VANGL1: variants seen among roughly 807,000 people sequenced by gnomAD.
The protein encoded by VANGL1 is VANGL planar cell polarity protein 1.
Under a neutral mutation model 48.4 loss-of-function variants are expected in VANGL1, and 18 were observed. The observed-to-expected ratio is 0.37, with a 90% confidence interval of 0.26 to 0.55. VANGL1 has a LOEUF of 0.55. Among genes scored for constraint, VANGL1 ranks in the 20% least tolerant of loss-of-function variants. The pLI, the probability that VANGL1 is intolerant of heterozygous loss-of-function variation, is 0.81. For synonymous variants in VANGL1, 257 were observed against 261.8 expected, an observed-to-expected ratio of 0.98 and a Z score of 0.18; for missense variants, 667 against 675.8, an observed-to-expected ratio of 0.99 and a Z score of 0.14.
chr1:115,689,943 G>A (rs76990225), intron 7 of VANGL1, among the ~76,000 whole-genome samples: 9,988 of 138,670 alleles, frequency 0.072, 2,162 homozygotes, highest in Admixed American at 0.13. Context: ...GCAACAGAGT[G>A]AGACTCTATC....
chr1:115,673,575 G>A (rs1308822880), intron 4 of VANGL1, among the ~76,000 whole-genome samples: 3 of 147,820 alleles, frequency 2.0e-5, no homozygotes, highest in Non-Finnish European at 4.5e-5. Context: ...CCTCCTCTCT[G>A]TGGGTCTCTG....
chr1:115,685,644 A>C, intron 7 of VANGL1, 117 bp downstream of exon 7: 1 of 1,052,132 alleles, frequency 9.5e-7, no homozygotes. Context: ...CTAAAACTCA[A>C]GTAATAAGAA....
chr1:115,684,002 C>T lies in VANGL1; in HGVS notation c.1005C>T (p.Arg335=). The T allele has an allele frequency of 6.2e-7, 1 of 1,614,136 alleles. No individual in the cohort carries two copies. ...SRAMIAAAAR[R]RDSSHNELYY... ...CCATGATTGCTGCAGCTGCTCGGCG[C>T]AGGGACTCAAGCCACAACGAGTTGT... Residue 335 remains arginine (R), a synonymous_variant, in exon 6 of 8, where the codon CGC becomes CGT. Transcript: ENST00000355485.
intron 3 of VANGL1, among the ~76,000 whole-genome samples, chr1:115,660,843 C>T (rs927218112): frequency 4.6e-5 from 7 of 152,104 alleles, no homozygotes; most frequent in South Asian, 2.1e-4. Flanking sequence ...GTGGGTTGAA[C>T]GTGGGATTCA....
intron 4 of VANGL1, among the ~76,000 whole-genome samples, chr1:115,681,778 A>G (rs1459974493): frequency 2.0e-5 from 3 of 152,098 alleles, no homozygotes; most frequent in Non-Finnish European, 4.4e-5. Flanking sequence ...AAGTGCTGGG[A>G]TTACAGGCGT....
chr1:115,689,092 A>T (rs1421987344), intron 7 of VANGL1, among the ~76,000 whole-genome samples: 1 of 137,502 alleles, frequency 7.3e-6, no homozygotes, highest in Non-Finnish European at 1.6e-5. Flanking sequence ...CGCCCAGCCT[A>T]TATTTCTTTA....
At chr1:115,688,452 A>G (rs1239810564) in intron 7 of VANGL1, among the ~76,000 whole-genome samples, 3 of 139,244 alleles carry the variant, frequency 2.2e-5, no homozygotes, top group Non-Finnish European at 4.7e-5. Flanking sequence ...AGAGCTGAGT[A>G]GTTGTGACAG....
intron 4 of VANGL1, among the ~76,000 whole-genome samples, chr1:115,681,503 G>GTTTTTTTTTTTTTTTTTTTTTTTTTTTTT (rs368388367): frequency 1.7e-5 from 2 of 114,880 alleles, no homozygotes. Flanking sequence ...TTTTTTTGTT[G>GTTTTTTTTTTTTTTTTTTTTTTTTTTTTT]TTTTTTTTGT....
intron 4 of VANGL1, among the ~76,000 whole-genome samples, chr1:115,673,587 A>G (rs1474134994): frequency 7.7e-6 from 1 of 130,156 alleles, no homozygotes; most frequent in Non-Finnish European, 1.6e-5. Flanking sequence ...GGGTCTCTGT[A>G]TGTCCTCTTT....
At chr1:115,674,198 T>C (rs141296546) in intron 4 of VANGL1, among the ~76,000 whole-genome samples, 30 of 152,318 alleles carry the variant, frequency 2.0e-4, no homozygotes, top group African/African-American at 7.2e-4. Context: ...ATCATTCATC[T>C]TGTAAGACTT....
chr1:115,647,697 G>T (rs12728888), intron 1 of VANGL1, among the ~76,000 whole-genome samples: 2,452 of 152,222 alleles, frequency 0.016, 27 homozygotes, highest in Non-Finnish European at 0.025. Context: ...GAGGAAGTGG[G>T]TGGCTGTGAA....
intron 4 of VANGL1, among the ~76,000 whole-genome samples, chr1:115,665,600 G>C (rs1027185386): frequency 2.6e-5 from 4 of 152,174 alleles, no homozygotes; most frequent in Non-Finnish European, 5.9e-5. Context: ...GGCTTGGCTT[G>C]TGCTACGAGA....
In VANGL1 at chr1:115,648,150, C is replaced by T. The variant is rs376336550; in HGVS notation, c.-137-3127C>T. Reference sequence around the variant, plus strand: ...TGCAGAGAAACTCTGCTAGGGCAGGCAGCATGCCTTTGTCATTGCTGTGCC... The same window carrying T: ...TGCAGAGAAACTCTGCTAGGGCAGGTAGCATGCCTTTGTCATTGCTGTGCC... On this transcript the variant is annotated intron_variant, in intron 1 of 7. Coordinates refer to ENST00000355485, the MANE Select transcript of VANGL1 (RefSeq NM_138959.3). Among the ~76,000 whole-genome samples, 27 of 152,300 alleles carry T rather than the reference C, an allele frequency of 1.8e-4. No homozygotes were observed. The South Asian group carries it at 5.0e-3, about 28-fold the overall frequency.
At chr1:115,659,594 A>T (rs545679114) in intron 2 of VANGL1, 47 bp from the exon 3 acceptor site, 2 of 1,613,242 alleles carry the variant, frequency 1.2e-6, no homozygotes, top group Admixed American at 1.7e-5. Flanking sequence ...AAACCCAGAG[A>T]GTTAATTAAC....
intron 3 of VANGL1, among the ~76,000 whole-genome samples, chr1:115,661,832 G>A (rs892135867): frequency 3.3e-5 from 5 of 152,116 alleles, no homozygotes; most frequent in African/African-American, 1.2e-4. Context: ...TGGCCAGGCT[G>A]GTCTCGAACT....
rs1380625648 is a variant in VANGL1 at position 115,697,821 on chromosome 1, A to G, written c.*6442A>G. ...CTTTTTTGTTCTTTCTGATTAGTTA[A>G]TACTGTACATTGTAACCAGGAGGGG... is the stretch of plus-strand genomic sequence containing the variant. On this transcript the variant is annotated 3_prime_UTR_variant, in exon 8 of 8. Transcript: ENST00000355485. 6.6e-6 allele frequency: 1 copy of G among 152,162 alleles called. No individual in the cohort carries two copies. The allele number at this position is 152,162 out of a possible 1,614,324, so 9.4% of individuals were successfully genotyped here.
At chr1:115,674,101 T>C (rs1159338461) in intron 4 of VANGL1, among the ~76,000 whole-genome samples, 1 of 152,220 alleles carries the variant, frequency 6.6e-6, no homozygotes, top group Non-Finnish European at 1.5e-5. Flanking sequence ...TTGTGGATGT[T>C]TGGGAGGATT....
At chr1:115,685,637 A>C in intron 7 of VANGL1, 110 bp downstream of exon 7, 1 of 1,077,522 alleles carries the variant, frequency 9.3e-7, no homozygotes, top group Non-Finnish European at 1.4e-6. Context: ...GGCATCTCTA[A>C]AACTCAAGTA....
intron 4 of VANGL1, among the ~76,000 whole-genome samples, chr1:115,672,042 T>C (rs1476449735): frequency 6.6e-6 from 1 of 152,242 alleles, no homozygotes; most frequent in Non-Finnish European, 1.5e-5. Flanking sequence ...TTGCATGAGC[T>C]ATTAGCTACT....
Sources: gnomAD v4.1 joint callset for allele counts (sites outside exome capture counted in the v4.1 genomes callset) on GRCh38, gnomAD v4.1.1 for gene constraint, MANE v1.5 for transcripts, NCBI Gene and HGNC (gene_info 2026-07-23, HGNC 2026-07-21) for gene names.